The following NKIRAS1 variants were observed in gnomAD, a reference collection of about 807,000 sequenced individuals.
NKIRAS1 encodes the protein NF-kappa-B inhibitor-interacting Ras-like protein 1.
NKIRAS1 carries 16 observed loss-of-function variants against 19.8 expected under a neutral mutation model. The ratio of observed to expected loss-of-function variants is 0.81; its 90% CI spans 0.55 to 1.23. NKIRAS1 has a LOEUF of 1.23. Ranked by LOEUF, NKIRAS1 falls within the 50% of genes most tolerant of loss-of-function variation. The pLI, the probability that NKIRAS1 is intolerant of heterozygous loss-of-function variation, is 0.00. For missense variants in NKIRAS1, 184 were observed against 220.0 expected, an observed-to-expected ratio of 0.84 and a Z score of 1.04; for synonymous variants, 88 against 79.0, an observed-to-expected ratio of 1.11 and a Z score of -0.61.
intron 4 of NKIRAS1, among the ~76,000 whole-genome samples, chr3:23,894,620 A>ATCCTCCACCTCTGCG (rs1022404586): frequency 7.9e-5 from 12 of 152,018 alleles, no homozygotes; most frequent in African/African-American, 7.3e-5. Flanking sequence ...CCCCCACTGC[A>ATCCTCCACCTCTGCG]TCCTCCACCT....
intron 1 of NKIRAS1, among the ~76,000 whole-genome samples, chr3:23,943,512 T>C (rs1425151632): frequency 6.6e-6 from 1 of 152,266 alleles, no homozygotes; most frequent in Admixed American, 6.5e-5. Context: ...ATTACAGGCG[T>C]CAGCCCCCGC....
chr3:23,918,840 C>A, upstream of NKIRAS1: 2 of 520,454 alleles, frequency 3.8e-6, no homozygotes, highest in Non-Finnish European at 6.7e-6. Flanking sequence ...GCCTGCACAG[C>A]CTAAAATATA....
intron 4 of NKIRAS1, among the ~76,000 whole-genome samples, chr3:23,896,341 A>G (rs930725785): frequency 6.6e-6 from 1 of 152,038 alleles, no homozygotes; most frequent in African/African-American, 2.4e-5. Flanking sequence ...ACGGCCGGGC[A>G]TGGTGGCTAA....
chr3:23,899,419 G>C (rs527592743), intron 4 of NKIRAS1, among the ~76,000 whole-genome samples: 5 of 152,232 alleles, frequency 3.3e-5, no homozygotes, highest in Admixed American at 6.5e-5. Context: ...AAAAATCTAA[G>C]TTAAGAACAT....
intron 3 of NKIRAS1, among the ~76,000 whole-genome samples, chr3:23,906,514 C>T (rs1703079862): frequency 6.6e-6 from 1 of 152,188 alleles, no homozygotes; most frequent in Admixed American, 6.5e-5. Flanking sequence ...TTCTCCTCTG[C>T]CACCTGACAC....
At chr3:23,944,752 A>G (rs1054969228) in intron 1 of NKIRAS1, among the ~76,000 whole-genome samples, 3 of 151,914 alleles carry the variant, frequency 2.0e-5, no homozygotes, top group Admixed American at 6.6e-5. Context: ...ATGAGATTGG[A>G]TAAAATCACC....
chr3:23,893,461 T>C, intron 4 of NKIRAS1, 124 bp from the exon 5 acceptor site: 1 of 795,584 alleles, frequency 1.3e-6, no homozygotes, highest in East Asian at 2.5e-5. Flanking sequence ...GATTCTCAAG[T>C]GTGACTGGAT....
intron 1 of NKIRAS1, among the ~76,000 whole-genome samples, chr3:23,912,676 T>C (rs1327425556): frequency 3.3e-5 from 5 of 152,166 alleles, no homozygotes; most frequent in African/African-American, 1.2e-4. Context: ...TTTGACCCAG[T>C]AATCCCATTA....
At chr3:23,935,424 T>G (rs1195243107) in intron 1 of NKIRAS1, among the ~76,000 whole-genome samples, 1 of 152,080 alleles carries the variant, frequency 6.6e-6, no homozygotes. Context: ...TTTCTTTTTC[T>G]TTTTTTGTTG....
intron 1 of NKIRAS1, among the ~76,000 whole-genome samples, chr3:23,945,106 G>A (rs1411357021): frequency 6.7e-6 from 1 of 149,956 alleles, no homozygotes; most frequent in Non-Finnish European, 1.5e-5. Flanking sequence ...GAAGAGGAGG[G>A]GCTCGGCAAG....
chr3:23,940,432 T>C (rs1705472858), intron 1 of NKIRAS1, among the ~76,000 whole-genome samples: 1 of 152,138 alleles, frequency 6.6e-6, no homozygotes. Flanking sequence ...TGTATTTAAC[T>C]TTAACCACTA....
At chr3:23,933,029 G>A (rs934538522) in intron 1 of NKIRAS1, among the ~76,000 whole-genome samples, 4 of 152,120 alleles carry the variant, frequency 2.6e-5, no homozygotes, top group Non-Finnish European at 1.5e-5. Context: ...CAGGCCTAAT[G>A]TAATCACAAG....
At chr3:23,911,075 C>T (rs557587289) in intron 2 of NKIRAS1, 154 bp from the exon 3 acceptor site, 2 of 621,450 alleles carry the variant, frequency 3.2e-6, no homozygotes, top group Non-Finnish European at 5.6e-6. Flanking sequence ...CCTTCCAAAC[C>T]CCATTCCCCA....
At chr3:23,945,716 G>C (rs922311104) in intron 1 of NKIRAS1, 1 of 636,060 alleles carries the variant, frequency 1.6e-6, no homozygotes, top group Non-Finnish European at 2.1e-6. Context: ...GGGCTGCTGC[G>C]CGCCGCGTGT....
intron 1 of NKIRAS1, among the ~76,000 whole-genome samples, chr3:23,931,843 T>C (rs1211407129): frequency 2.6e-5 from 4 of 152,110 alleles, no homozygotes; most frequent in Non-Finnish European, 2.9e-5. Flanking sequence ...AAACTCGGCA[T>C]TGGCTGTCAG....
chr3:23,937,485 T>C (rs981502605), intron 1 of NKIRAS1, among the ~76,000 whole-genome samples: 6 of 151,982 alleles, frequency 3.9e-5, no homozygotes, highest in Non-Finnish European at 4.4e-5. Flanking sequence ...ATGGGAAAAT[T>C]TGTGAGTCAG....
At chr3:23,920,466 A>AC, upstream of NKIRAS1, 1 of 985,380 alleles carries the variant, frequency 1.0e-6, no homozygotes, top group Non-Finnish European at 1.2e-6. Context: ...ACAAAGTTGG[A>AC]CCATCACTTG....
At chr3:23,939,466 G>A (rs1005795493) in intron 1 of NKIRAS1, among the ~76,000 whole-genome samples, 3 of 152,248 alleles carry the variant, frequency 2.0e-5, no homozygotes, top group African/African-American at 7.2e-5. Context: ...AACCAGGCCA[G>A]GAACGGTGGC....
upstream of NKIRAS1, chr3:23,919,004 T>C (rs1421758331): frequency 3.3e-5 from 20 of 603,140 alleles, no homozygotes; most frequent in Non-Finnish European, 5.9e-5. Flanking sequence ...TTTCAGTCTA[T>C]GTGTGTTGTT....
Sources: allele counts gnomAD v4.1 joint callset (sites outside exome capture counted in the v4.1 genomes callset), GRCh38; gene constraint gnomAD v4.1.1; transcripts MANE v1.5; gene names NCBI Gene and HGNC (gene_info 2026-07-23, HGNC 2026-07-21).